PPP2R2C: variants seen among roughly 807,000 people sequenced by gnomAD.
PPP2R2C encodes protein phosphatase 2, regulatory subunit B, gamma.
Under a neutral mutation model 45.3 loss-of-function variants are expected in PPP2R2C, and 10 were observed. That is an observed-to-expected ratio of 0.22 (90% CI 0.14 to 0.37). The LOEUF (loss-of-function observed/expected upper bound fraction) is 0.37. Ranked by LOEUF, PPP2R2C falls within the 10% of genes least tolerant of loss-of-function variation. PPP2R2C has a pLI of 1.00. For synonymous variants in PPP2R2C, 257 were observed against 245.4 expected, an observed-to-expected ratio of 1.05 and a Z score of -0.44; for missense variants, 308 against 619.7, an observed-to-expected ratio of 0.50 and a Z score of 5.34.
At chr4:6,439,954 G>A (rs571067043) in intron 1 of PPP2R2C, among the ~76,000 whole-genome samples, 1 of 152,250 alleles carries the variant, frequency 6.6e-6, no homozygotes, top group East Asian at 1.9e-4. Context: ...TCACTTCACT[G>A]CGTAGAAAAC....
chr4:6,327,708 C>A (rs1732067603), intron 8 of PPP2R2C, among the ~76,000 whole-genome samples: 1 of 152,144 alleles, frequency 6.6e-6, no homozygotes, highest in Non-Finnish European at 1.5e-5. Context: ...GTCCTGTGTC[C>A]TGCTGACCCA....
intron 1 of PPP2R2C, among the ~76,000 whole-genome samples, chr4:6,396,245 C>T (rs111991187): frequency 1.3e-5 from 2 of 152,174 alleles, no homozygotes; most frequent in Non-Finnish European, 2.9e-5. Flanking sequence ...ATCAGGCCAG[C>T]CCCTGGTCCT....
At chr4:6,451,897 C>A (rs1720756417) in intron 1 of PPP2R2C, among the ~76,000 whole-genome samples, 2 of 152,138 alleles carry the variant, frequency 1.3e-5, no homozygotes, top group Non-Finnish European at 2.9e-5. Flanking sequence ...ACCCTCACCC[C>A]CAAGAAGGGC....
At chr4:6,492,841 A>G (rs1722739240) in intron 2 of PPP2R2C, among the ~76,000 whole-genome samples, 1 of 152,156 alleles carries the variant, frequency 6.6e-6, no homozygotes, top group African/African-American at 2.4e-5. Flanking sequence ...AGCCTTTGGC[A>G]GGAGGGAGGC....
intron 4 of PPP2R2C, 41 bp from the exon 5 acceptor site, chr4:6,372,741 T>C (rs12511721): frequency 0.29 from 464,474 of 1,595,924 alleles, 69,978 homozygotes; most frequent in South Asian, 0.4. Flanking sequence ...GAAGGCCAGG[T>C]GGTGGCATCA....
At chr4:6,447,738 G>A (rs937466540) in intron 1 of PPP2R2C, among the ~76,000 whole-genome samples, 5 of 152,096 alleles carry the variant, frequency 3.3e-5, no homozygotes, top group African/African-American at 1.2e-4. Context: ...GTCAAAGTCA[G>A]GGTCTACCTC....
chr4:6,339,014 G>A (rs1224586607), intron 6 of PPP2R2C, among the ~76,000 whole-genome samples: 1 of 152,216 alleles, frequency 6.6e-6, no homozygotes, highest in African/African-American at 2.4e-5. Flanking sequence ...AGGGATTCCT[G>A]GAGTTATTTT....
chr4:6,558,611 G>A (rs530199819), intron 1 of PPP2R2C, among the ~76,000 whole-genome samples: 15 of 152,280 alleles, frequency 9.9e-5, no homozygotes, highest in East Asian at 7.7e-4. Context: ...GATTCTTGCC[G>A]CAGAAAGATT....
chr4:6,436,755 T>G (rs545185067), intron 1 of PPP2R2C, among the ~76,000 whole-genome samples: 218 of 152,336 alleles, frequency 1.4e-3, no homozygotes, highest in African/African-American at 5.0e-3. Context: ...TGTTGTAGTG[T>G]GAAAGTAGCC....
chr4:6,442,369 A>G (rs1720200001), intron 1 of PPP2R2C, among the ~76,000 whole-genome samples: 1 of 152,230 alleles, frequency 6.6e-6, no homozygotes, highest in Non-Finnish European at 1.5e-5. Flanking sequence ...GGGCTTAGGA[A>G]CAATGTACTT....
At chr4:6,411,141 G>A (rs1243990995) in intron 1 of PPP2R2C, among the ~76,000 whole-genome samples, 1 of 152,068 alleles carries the variant, frequency 6.6e-6, no homozygotes, top group African/African-American at 2.4e-5. Context: ...AAAGGGCTTG[G>A]ATTACAGGTG....
chr4:6,440,058 C>T (rs999203519), intron 1 of PPP2R2C, among the ~76,000 whole-genome samples: 1 of 152,174 alleles, frequency 6.6e-6, no homozygotes, highest in African/African-American at 2.4e-5. Context: ...TCACTACATA[C>T]AGGTCTCACA....
chr4:6,500,273 G>A (rs1407247661), intron 2 of PPP2R2C, among the ~76,000 whole-genome samples: 6 of 152,084 alleles, frequency 3.9e-5, no homozygotes, highest in African/African-American at 9.7e-5. Context: ...TCAGCCTTCC[G>A]AGTAGCTGGG....
intron 1 of PPP2R2C, among the ~76,000 whole-genome samples, chr4:6,546,390 T>C (rs761903608): frequency 6.6e-6 from 1 of 152,226 alleles, no homozygotes; most frequent in Non-Finnish European, 1.5e-5. Context: ...GGAATAATAG[T>C]ATCTTGAGAT....
rs555600675 is a variant in PPP2R2C at position 6,330,394 on chromosome 4, G to C, written c.961-1041C>G. Among the ~76,000 whole-genome samples, 6 of 152,358 alleles carry C rather than the reference G, an allele frequency of 3.9e-5. No individual in the cohort carries two copies. Among genetic ancestry groups the C allele is most frequent in the South Asian group, 2.1e-4 (1 of 4,826 alleles). On this transcript the variant is annotated intron_variant, in intron 7 of 8. Coordinates refer to ENST00000382599, the MANE Select transcript of PPP2R2C (RefSeq NM_020416.4). This position sits in a 1 kb window ranked among gnomAD's most constrained non-coding sequence, Gnocchi z 7.0. Reference sequence around the variant, plus strand: ...TCGTGTGTCAGCTTGGCTGGGCCAAGGTACCCAGATACTTGGTGTTTCTGT... The same window carrying C: ...TCGTGTGTCAGCTTGGCTGGGCCAACGTACCCAGATACTTGGTGTTTCTGT...
At chr4:6,511,490 T>C (rs1723479315) in intron 2 of PPP2R2C, among the ~76,000 whole-genome samples, 1 of 109,730 alleles carries the variant, frequency 9.1e-6, no homozygotes, top group Admixed American at 8.9e-5. Context: ...GCGGTGTTGG[T>C]GGTGATGGCG....
intron 1 of PPP2R2C, among the ~76,000 whole-genome samples, chr4:6,418,597 A>AC (rs1317661823): frequency 1.3e-5 from 2 of 150,534 alleles, no homozygotes; most frequent in Non-Finnish European, 3.0e-5. Flanking sequence ...CACCCTCAAC[A>AC]CCCCCCACAT....
chr4:6,350,921 T>C (rs1712492550), intron 5 of PPP2R2C: 3 of 985,392 alleles, frequency 3.0e-6, no homozygotes, highest in Non-Finnish European at 2.4e-6. Context: ...GGTTGTTTGC[T>C]ACCACTGCAA....
chr4:6,453,085 TCATAAA>T (rs1720825835), intron 1 of PPP2R2C, among the ~76,000 whole-genome samples: 4 of 152,200 alleles, frequency 2.6e-5, no homozygotes, highest in Admixed American at 6.5e-5. Context: ...CCACTGCTCA[TCATAAA>T]GATGAGCAGG....
Sources: gnomAD v4.1 joint callset for allele counts (sites outside exome capture counted in the v4.1 genomes callset) on GRCh38, gnomAD v4.1.1 for gene constraint, Gnocchi (gnomAD v3.1) non-coding constraint, MANE v1.5 for transcripts, NCBI Gene and HGNC (gene_info 2026-07-23, HGNC 2026-07-21) for gene names.